RANBP2: variants seen among roughly 807,000 people sequenced by gnomAD.
The protein encoded by RANBP2 is RAN binding protein 2.
RANBP2 carries 57 observed loss-of-function variants against 303.6 expected under a neutral mutation model. The ratio of observed to expected loss-of-function variants is 0.19; its 90% CI spans 0.15 to 0.23. The LOEUF (loss-of-function observed/expected upper bound fraction) is 0.23. Ranked by LOEUF, RANBP2 falls within the 10% of genes least tolerant of loss-of-function variation. RANBP2 has a pLI of 1.00. For missense variants in RANBP2, 3,138 were observed against 3,780.8 expected (o/e 0.83, Z 4.46); for synonymous variants, 1,167 against 1,301.5 (o/e 0.90, Z 2.23).
At chr2:109,567,122 T>G in the RANBP2 span, among the ~76,000 whole-genome samples, 1 of 152,180 alleles carries the variant, frequency 6.6e-6, no homozygotes, top group Non-Finnish European at 1.5e-5. Flanking sequence ...AAGTCACTGT[T>G]AGGCGCTTAA....
chr2:109,499,502 G>T, the RANBP2 span, among the ~76,000 whole-genome samples: 1 of 152,196 alleles, frequency 6.6e-6, no homozygotes, highest in East Asian at 1.9e-4. Context: ...GGCTGGGGGT[G>T]CAGGGGCCCA....
chr2:109,070,588 C>T, the RANBP2 span, among the ~76,000 whole-genome samples: 1 of 152,014 alleles, frequency 6.6e-6, no homozygotes, highest in South Asian at 2.1e-4. Context: ...GGCCAAGTGC[C>T]GTGGCTCACG....
At chr2:109,622,803 T>C in the RANBP2 span, among the ~76,000 whole-genome samples, 1 of 152,178 alleles carries the variant, frequency 6.6e-6, no homozygotes, top group African/African-American at 2.4e-5. Flanking sequence ...TATACATTTA[T>C]AAATTTGCAA....
At chr2:109,536,260 A>G in the RANBP2 span, among the ~76,000 whole-genome samples, 1 of 152,174 alleles carries the variant, frequency 6.6e-6, no homozygotes, top group Non-Finnish European at 1.5e-5. Flanking sequence ...CAGCCCATGA[A>G]AGCAGCCACG....
At chr2:109,566,216 G>C in the RANBP2 span, among the ~76,000 whole-genome samples, 140 of 152,144 alleles carry the variant, frequency 9.2e-4, no homozygotes, top group African/African-American at 3.3e-3. Flanking sequence ...CGCCTCCTGG[G>C]TTCCAGTGAT....
the RANBP2 span, chr2:109,760,283 C>G: frequency 6.8e-6 from 1 of 147,540 alleles, no homozygotes; most frequent in East Asian, 2.0e-4. Context: ...AAGCATAAAA[C>G]CTCAGCAACT....
chr2:109,051,868 C>G, the RANBP2 span, among the ~76,000 whole-genome samples: 7 of 152,002 alleles, frequency 4.6e-5, no homozygotes, highest in South Asian at 1.5e-3. Flanking sequence ...CCTACCTCAG[C>G]ATCCCGAGTA....
chr2:109,121,898 C>G, the RANBP2 span, among the ~76,000 whole-genome samples: 1 of 152,186 alleles, frequency 6.6e-6, no homozygotes, highest in Non-Finnish European at 1.5e-5. Flanking sequence ...CTCCTGCTAC[C>G]TCTGGCATCT....
At chr2:108,780,787 G>T (rs1389760852) in intron 25 of RANBP2, among the ~76,000 whole-genome samples, 1 of 151,060 alleles carries the variant, frequency 6.6e-6, no homozygotes, top group Non-Finnish European at 1.5e-5. Context: ...TTGGCTCACC[G>T]CAACCTCCGC....
the RANBP2 span, among the ~76,000 whole-genome samples, chr2:109,045,150 G>A: frequency 6.6e-6 from 1 of 152,154 alleles, no homozygotes; most frequent in African/African-American, 2.4e-5. Flanking sequence ...GAGGCTCCAG[G>A]GAGGGCACAT....
At chr2:109,704,298 C>G in the RANBP2 span, among the ~76,000 whole-genome samples, 1 of 152,150 alleles carries the variant, frequency 6.6e-6, no homozygotes, top group African/African-American at 2.4e-5. Flanking sequence ...GCCTGTAATC[C>G]TAACACTGGG....
the RANBP2 span, among the ~76,000 whole-genome samples, chr2:108,996,845 C>G: frequency 2.0e-5 from 3 of 152,076 alleles, no homozygotes; most frequent in East Asian, 5.8e-4. Context: ...CTCAGAAACC[C>G]AAACTCCTTC....
At chr2:109,003,501 C>A in the RANBP2 span, among the ~76,000 whole-genome samples, 1 of 151,786 alleles carries the variant, frequency 6.6e-6, no homozygotes, top group Non-Finnish European at 1.5e-5. Context: ...ACCTCCGTCT[C>A]CTGGGTTCAC....
chr2:108,719,549 G>A lies in RANBP2; in HGVS notation c.-58G>A. On this transcript the variant is annotated 5_prime_UTR_variant, in exon 1 of 29. Transcript: ENST00000283195. Reference sequence around the variant, plus strand: ...CAGGCGCTTTCCTCTTGGAAGTGGCGACTGCTGCGGGCCTGAGCGCTGGTC... The same window carrying A: ...CAGGCGCTTTCCTCTTGGAAGTGGCAACTGCTGCGGGCCTGAGCGCTGGTC... The A allele has an allele frequency of 6.4e-7, 1 of 1,566,040 alleles. No homozygotes were observed. The highest frequency in any genetic ancestry group is 8.6e-7 in the Non-Finnish European group (1 of 1,157,014).
the RANBP2 span, among the ~76,000 whole-genome samples, chr2:109,488,711 C>T: frequency 8.8e-4 from 134 of 152,210 alleles, no homozygotes; most frequent in Non-Finnish European, 1.4e-3. Context: ...GAACTAGACT[C>T]GGGAAACACC....
chr2:109,405,951 G>A, the RANBP2 span, among the ~76,000 whole-genome samples: 1 of 152,232 alleles, frequency 6.6e-6, no homozygotes, highest in African/African-American at 2.4e-5. Flanking sequence ...TGTACATAAA[G>A]CAGCATGGTA....
At chr2:109,615,461 C>T in the RANBP2 span, 2 of 1,613,232 alleles carry the variant, frequency 1.2e-6, no homozygotes, top group African/African-American at 1.3e-5. Flanking sequence ...TAGTCAACTT[C>T]GCCAACAAAC....
chr2:109,242,294 A>G, the RANBP2 span, among the ~76,000 whole-genome samples: 5,867 of 152,116 alleles, frequency 0.039, 375 homozygotes, highest in African/African-American at 0.13. Flanking sequence ...TAATGTCACC[A>G]ATTGGGTGGA....
At chr2:108,926,536 G>A in the RANBP2 span, among the ~76,000 whole-genome samples, 6 of 152,326 alleles carry the variant, frequency 3.9e-5, no homozygotes, top group East Asian at 5.8e-4. Flanking sequence ...GTGCAGAGTC[G>A]CTGTGTCCTG....
Sources: gnomAD v4.1 joint callset for allele counts (sites outside exome capture counted in the v4.1 genomes callset) on GRCh38, gnomAD v4.1.1 for gene constraint, MANE v1.5 for transcripts, NCBI Gene and HGNC (gene_info 2026-07-23, HGNC 2026-07-21) for gene names.